Variants in RABGAP1L observed in about 807,000 individuals in gnomAD.
RABGAP1L encodes the protein rab GTPase-activating protein 1-like.
In RABGAP1L, 63 loss-of-function variants were observed where a neutral mutation model predicts 137.7. The observed-to-expected ratio is 0.46, with a 90% CI of 0.37 to 0.56. The LOEUF (loss-of-function observed/expected upper bound fraction) is 0.56. RABGAP1L is among the 20% of genes least tolerant of loss of function. The pLI is 0.00. For synonymous variants in RABGAP1L, 431 were observed against 433.7 expected (o/e 0.99, Z 0.08); for missense variants, 1,095 against 1,244.0 (o/e 0.88, Z 1.80).
chr1:174,560,243 C>G (rs1667125132), intron 13 of RABGAP1L, among the ~76,000 whole-genome samples: 1 of 152,020 alleles, frequency 6.6e-6, no homozygotes, highest in Non-Finnish European at 1.5e-5. Context: ...TACCACGTTT[C>G]CTCATCCTGC....
chr1:174,580,324 A>G (rs968930416), intron 13 of RABGAP1L, among the ~76,000 whole-genome samples: 2 of 152,244 alleles, frequency 1.3e-5, no homozygotes, highest in African/African-American at 2.4e-5. Flanking sequence ...ATAAAGACAC[A>G]TGCACACATA....
intron 17 of RABGAP1L, among the ~76,000 whole-genome samples, chr1:174,748,360 A>G (rs1684051130): frequency 6.6e-6 from 1 of 152,218 alleles, no homozygotes; most frequent in Admixed American, 6.5e-5. Context: ...GCACTGTGTG[A>G]GAATATCTCA....
chr1:174,989,751 C>T (rs1230127123), intron 25 of RABGAP1L, 98 bp from the exon 26 acceptor site: 2 of 1,333,306 alleles, frequency 1.5e-6, no homozygotes, highest in Admixed American at 4.8e-5. Context: ...AAATTGGCAG[C>T]ACATACCTTG....
At chr1:174,165,758 C>G (rs1315853629) in intron 1 of RABGAP1L, among the ~76,000 whole-genome samples, 8 of 152,144 alleles carry the variant, frequency 5.3e-5, no homozygotes, top group Non-Finnish European at 1.2e-4. Flanking sequence ...CTCGGCCTCC[C>G]AAAGTGCTGG....
chr1:174,621,602 A>G (rs1672477047), intron 13 of RABGAP1L, among the ~76,000 whole-genome samples: 1 of 152,242 alleles, frequency 6.6e-6, no homozygotes, highest in Non-Finnish European at 1.5e-5. Context: ...AGCAATGGGG[A>G]AAGGATTCCC....
intron 19 of RABGAP1L, among the ~76,000 whole-genome samples, chr1:174,883,957 C>G (rs1250269489): frequency 1.3e-5 from 2 of 152,072 alleles, no homozygotes; most frequent in African/African-American, 4.8e-5. Flanking sequence ...GCTATAGTGT[C>G]AAAAGTCTTT....
chr1:174,233,371 C>T (rs1670858904), intron 4 of RABGAP1L, among the ~76,000 whole-genome samples: 5 of 149,248 alleles, frequency 3.4e-5, no homozygotes, highest in East Asian at 3.9e-4. Flanking sequence ...CCCACTAACT[C>T]GTCATCTAGC....
intron 12 of RABGAP1L, among the ~76,000 whole-genome samples, chr1:174,373,680 T>G (rs1406033609): frequency 6.6e-6 from 1 of 152,182 alleles, no homozygotes; most frequent in African/African-American, 2.4e-5. Context: ...CTGGCTAGTA[T>G]TAGTATTTTT....
At chr1:174,495,738 C>T (rs755325126) in intron 13 of RABGAP1L, among the ~76,000 whole-genome samples, 1 of 152,098 alleles carries the variant, frequency 6.6e-6, no homozygotes, top group Non-Finnish European at 1.5e-5. Context: ...TTATAGTAAT[C>T]ATATCTTACT....
chr1:174,321,310 C>T (rs562148521), intron 11 of RABGAP1L, among the ~76,000 whole-genome samples: 18 of 152,250 alleles, frequency 1.2e-4, no homozygotes, highest in Admixed American at 7.2e-4. Context: ...CCTGTGATCT[C>T]GCTCTGCCCC....
At chr1:174,903,121 A>T (rs1309862305) in intron 19 of RABGAP1L, among the ~76,000 whole-genome samples, 1 of 152,234 alleles carries the variant, frequency 6.6e-6, no homozygotes, top group East Asian at 1.9e-4. Context: ...TATTAGAGAT[A>T]TAGAGGCAAC....
At chr1:174,954,725 G>C (rs553403675) in intron 19 of RABGAP1L, among the ~76,000 whole-genome samples, 1 of 152,104 alleles carries the variant, frequency 6.6e-6, no homozygotes, top group Non-Finnish European at 1.5e-5. Flanking sequence ...AAATACTTCC[G>C]ATCTGGTGGG....
intron 13 of RABGAP1L, among the ~76,000 whole-genome samples, chr1:174,513,690 AGC>A (rs1200394838): frequency 8.5e-5 from 13 of 152,342 alleles, no homozygotes; most frequent in African/African-American, 2.9e-4. Context: ...CATTATTATA[AGC>A]TATACCATAT....
intron 14 of RABGAP1L, among the ~76,000 whole-genome samples, chr1:174,663,049 C>A (rs920974004): frequency 6.6e-6 from 1 of 152,126 alleles, no homozygotes; most frequent in African/African-American, 2.4e-5. Flanking sequence ...AAGATTTTGT[C>A]ATTGAAGAAA....
intron 14 of RABGAP1L, among the ~76,000 whole-genome samples, chr1:174,667,691 C>T (rs1454609366): frequency 2.0e-5 from 3 of 152,184 alleles, no homozygotes; most frequent in Non-Finnish European, 4.4e-5. Context: ...ATTAAGACAA[C>T]ATCACCTTGT....
intron 13 of RABGAP1L, among the ~76,000 whole-genome samples, chr1:174,441,292 T>C (rs746213330): frequency 1.4e-4 from 22 of 152,048 alleles, no homozygotes; most frequent in Non-Finnish European, 2.5e-4. Flanking sequence ...TGAAGCGAAT[T>C]ATGCCTAATT....
Position 174,801,682 on chromosome 1 carries a change from G to A in RABGAP1L, c.2212-10150G>A, listed in dbSNP as rs115414246. On this transcript the variant is annotated intron_variant, in intron 18 of 25. Transcript: ENST00000681986. ...GAAATAAAAAGAGCTGAAGACATGT[G>A]TTTTAATGTCCAGGTGAAGTCATTA... Among the ~76,000 whole-genome samples the A allele has an allele frequency of 9.0e-3, 1,375 of 152,302 alleles. 25 individuals carry two copies. Among genetic ancestry groups the A allele is most frequent in the African/African-American group, 0.032 (1,325 of 41,552 alleles).
chr1:174,284,120 A>G (rs1397117016), intron 10 of RABGAP1L, among the ~76,000 whole-genome samples: 1 of 152,190 alleles, frequency 6.6e-6, no homozygotes. Flanking sequence ...GTGTGTGTGT[A>G]GAACACTTAA....
At chr1:174,947,599 T>C (rs896205935) in intron 19 of RABGAP1L, among the ~76,000 whole-genome samples, 1 of 151,742 alleles carries the variant, frequency 6.6e-6, no homozygotes, top group African/African-American at 2.4e-5. Context: ...TTTGTATTTT[T>C]AGTAGAGATG....
Sources: allele counts gnomAD v4.1 joint callset (sites outside exome capture counted in the v4.1 genomes callset), GRCh38; gene constraint gnomAD v4.1.1; transcripts MANE v1.5; gene names NCBI Gene and HGNC (gene_info 2026-07-23, HGNC 2026-07-21).